LHFPL6: variants seen among roughly 807,000 people sequenced by gnomAD.
LHFPL6 encodes the protein LHFPL tetraspan subfamily member 6 protein.
In LHFPL6, 9 loss-of-function variants were observed where a neutral mutation model predicts 20.6. That is an observed-to-expected ratio of 0.44 (90% CI 0.26 to 0.76). The LOEUF is 0.76. Ranked by LOEUF, LHFPL6 falls within the 30% of genes least tolerant of loss-of-function variation. The probability of loss-of-function intolerance (pLI) is 0.20; values close to 1 mark genes in which losing one functional copy is unlikely to be tolerated. For synonymous variants in LHFPL6, 105 were observed against 98.7 expected (o/e 1.06, Z -0.38); for missense variants, 218 against 253.5 (o/e 0.86, Z 0.95).
chr13:39,374,751 C>G (rs1016012178), intron 3 of LHFPL6, among the ~76,000 whole-genome samples: 47 of 152,290 alleles, frequency 3.1e-4, no homozygotes, highest in African/African-American at 1.1e-3. Context: ...AACACTTTTC[C>G]TTTCTAACAT....
chr13:39,567,448 T>A (rs868694601), intron 2 of LHFPL6, among the ~76,000 whole-genome samples: 26 of 152,324 alleles, frequency 1.7e-4, no homozygotes, highest in Middle Eastern at 3.4e-3. Flanking sequence ...GTTGAAATTA[T>A]CAAGGAAGTT....
rs751868991 is a variant in LHFPL6 at position 39,601,191 on chromosome 13, C to A, written c.26G>T (p.Gly9Val). MASSLTCT[G>V]VIWALLSFLC... is the part of the protein sequence containing the mutation. ...AAAAGACAGCAAAGCCCAGATTACTCCAGTACAAGTCAGGCTGGATGCCAT... is the reference window on the plus strand; with the variant it reads ...AAAAGACAGCAAAGCCCAGATTACTACAGTACAAGTCAGGCTGGATGCCAT... The change falls in exon 2 of 4, where the codon GGA becomes GTA. Residue 9 changes from glycine (G) to valine (V), a missense_variant. By Grantham distance (109) the Gly-to-Val change is moderately radical (BLOSUM62 -3). Coordinates refer to ENST00000379589, the MANE Select transcript of LHFPL6 (RefSeq NM_005780.3). The A allele has an allele frequency of 1.2e-6, 2 of 1,613,140 alleles. No individual in the cohort carries two copies. Among genetic ancestry groups the A allele is most frequent in the South Asian group, 2.2e-5 (2 of 90,970 alleles).
intron 2 of LHFPL6, among the ~76,000 whole-genome samples, chr13:39,424,398 A>G (rs1168448280): frequency 6.6e-6 from 1 of 152,186 alleles, no homozygotes; most frequent in East Asian, 1.9e-4. Context: ...GAAAAATGAG[A>G]AACACCAGGT....
At chr13:39,473,978 T>C (rs1873013498) in intron 2 of LHFPL6, among the ~76,000 whole-genome samples, 1 of 152,198 alleles carries the variant, frequency 6.6e-6, no homozygotes, top group Admixed American at 6.5e-5. Context: ...TCCAATTACA[T>C]AAAATGTCCT....
chr13:39,468,555 T>C (rs1872861775), intron 2 of LHFPL6, among the ~76,000 whole-genome samples: 1 of 152,214 alleles, frequency 6.6e-6, no homozygotes. Flanking sequence ...GTCAGTGGCA[T>C]AATGCTTCCA....
intron 3 of LHFPL6, among the ~76,000 whole-genome samples, chr13:39,346,216 C>T (rs116546245): frequency 0.016 from 2,439 of 152,180 alleles, 61 homozygotes; most frequent in African/African-American, 0.056. Context: ...TTGTGGTCAC[C>T]ATGAGTCAAC....
chr13:39,498,209 TAA>T (rs1265924343), intron 2 of LHFPL6, among the ~76,000 whole-genome samples: 1 of 152,240 alleles, frequency 6.6e-6, no homozygotes, highest in Non-Finnish European at 1.5e-5. Flanking sequence ...AGTTTCTAAT[TAA>T]ACCTCCAGAG....
chr13:39,550,379 CA>C (rs1418268632), intron 2 of LHFPL6, among the ~76,000 whole-genome samples: 1 of 152,036 alleles, frequency 6.6e-6, no homozygotes, highest in African/African-American at 2.4e-5. Flanking sequence ...CTATTATAAA[CA>C]GGATTAAATT....
At chr13:39,526,225 G>C (rs1348442560) in intron 2 of LHFPL6, among the ~76,000 whole-genome samples, 1 of 152,160 alleles carries the variant, frequency 6.6e-6, no homozygotes, top group Non-Finnish European at 1.5e-5. Flanking sequence ...ACAGGGATTA[G>C]CATACAGGGT....
chr13:39,538,410 G>A lies in LHFPL6; in HGVS notation c.385+62422C>T, dbSNP rs1870693865. 2.7e-5 allele frequency among the ~76,000 whole-genome samples: 4 copies of A among 149,880 alleles called. No homozygotes were observed. In the South Asian group the frequency reaches 8.7e-4, roughly 33 times the overall value. On this transcript the variant is annotated intron_variant, in intron 2 of 3. Transcript: ENST00000379589. ...TTAGGATCCCTTTGCACGATTTCTT[G>A]CCAACCATGTTTAACCTGAATTCAA... is the stretch of plus-strand genomic sequence containing the variant.
At chr13:39,436,394 T>C (rs190901064) in intron 2 of LHFPL6, among the ~76,000 whole-genome samples, 1 of 152,352 alleles carries the variant, frequency 6.6e-6, no homozygotes, top group East Asian at 1.9e-4. Flanking sequence ...AAATAAAAAG[T>C]AACAAGTTAA....
intron 2 of LHFPL6, among the ~76,000 whole-genome samples, chr13:39,553,944 C>A (rs1871221936): frequency 6.6e-6 from 1 of 152,188 alleles, no homozygotes; most frequent in Non-Finnish European, 1.5e-5. Flanking sequence ...GATGAACCAC[C>A]CCACCAACCC....
intron 1 of LHFPL6, among the ~76,000 whole-genome samples, chr13:39,601,991 T>C (rs993398392): frequency 1.2e-4 from 18 of 152,204 alleles, no homozygotes; most frequent in Non-Finnish European, 2.5e-4. Flanking sequence ...ATTTCTTTAG[T>C]CTTAACATCT....
chr13:39,503,032 A>G (rs1263702294), intron 2 of LHFPL6, among the ~76,000 whole-genome samples: 1 of 152,132 alleles, frequency 6.6e-6, no homozygotes, highest in Non-Finnish European at 1.5e-5. Context: ...TGCTGGGATT[A>G]CAGCCACAAG....
chr13:39,417,697 T>C (rs1247416528), intron 2 of LHFPL6, among the ~76,000 whole-genome samples: 1 of 151,712 alleles, frequency 6.6e-6, no homozygotes, highest in African/African-American at 2.4e-5. Flanking sequence ...CAGAATTAAG[T>C]CTTTGTGATA....
At chr13:39,381,454 C>T (rs1593292171) in intron 2 of LHFPL6, among the ~76,000 whole-genome samples, 1 of 152,148 alleles carries the variant, frequency 6.6e-6, no homozygotes, top group African/African-American at 2.4e-5. Context: ...TCTTTTTCTT[C>T]CTTCTCTCCC....
At chr13:39,590,913 A>G (rs921517468) in intron 2 of LHFPL6, among the ~76,000 whole-genome samples, 1 of 152,216 alleles carries the variant, frequency 6.6e-6, no homozygotes, top group Admixed American at 6.5e-5. Flanking sequence ...CCTCAGGGGT[A>G]TCTGGCTACG....
At position 39,381,885 on chromosome 13, in the gene LHFPL6, C is replaced by T. The variant is rs186812512; in HGVS notation, c.386-3359G>A. ...AGAAACCAGAAGTGAGGTACAGAAA[C>T]AGATGGATTGGTTACAGCTTGGTGT... On this transcript the variant is annotated intron_variant, in intron 2 of 3. Coordinates refer to ENST00000379589, the MANE Select transcript of LHFPL6 (RefSeq NM_005780.3). 1.0e-3 allele frequency among the ~76,000 whole-genome samples: 149 copies of T among 147,616 alleles called. 1 individual carries two copies. Among genetic ancestry groups the T allele is most frequent in the Middle Eastern group, 3.8e-3 (1 of 264 alleles).
At chr13:39,418,205 C>T (rs1051137117) in intron 2 of LHFPL6, among the ~76,000 whole-genome samples, 2 of 151,896 alleles carry the variant, frequency 1.3e-5, no homozygotes, top group African/African-American at 4.8e-5. Flanking sequence ...TGTAGTATGC[C>T]AAATTAGCTG....
Sources: gnomAD v4.1 joint callset for allele counts (sites outside exome capture counted in the v4.1 genomes callset) on GRCh38, gnomAD v4.1.1 for gene constraint, MANE v1.5 for transcripts, NCBI Gene and HGNC (gene_info 2026-07-23, HGNC 2026-07-21) for gene names.